Variants in SATB2 observed in about 807,000 individuals in gnomAD.
SATB2 encodes DNA-binding protein SATB2.
In SATB2, 1 loss-of-function variant was observed where a neutral mutation model predicts 73.4. The ratio of observed to expected loss-of-function variants is 0.01; its 90% CI spans 0.00 to 0.06. SATB2 has a LOEUF of 0.06. Ranked by LOEUF, SATB2 falls within the 10% of genes least tolerant of loss-of-function variation. The pLI is 1.00. For missense variants in SATB2, 459 were observed against 945.8 expected (o/e 0.49, Z 6.75); for synonymous variants, 397 against 367.0 (o/e 1.08, Z -0.93).
At position 199,314,367 on chromosome 2, in the gene SATB2, C is replaced by T. The variant is rs1477198234; in HGVS notation, c.1543-5410G>A. ...GAAAGTTATTGTTTGAGAGAAGCAC[C>T]AATTCTCAGAAGCAACTTTGTCACT... On this transcript the variant is annotated intron_variant, in intron 9 of 10. Coordinates refer to ENST00000417098, the MANE Select transcript of SATB2 (RefSeq NM_001172509.2). Among the ~76,000 whole-genome samples, 6 of 151,372 alleles carry T rather than the reference C, an allele frequency of 4.0e-5. No homozygotes were observed. In the South Asian group the frequency reaches 1.0e-3, roughly 26 times the overall value.
chr2:199,331,394 G>A lies in SATB2; in HGVS notation c.1174-2484C>T, dbSNP rs191228698. ...CACAATATTTGTATTTTTAAAGGGTGGTGGAATATACTGTTTCCTCTGTTT... is the reference window on the plus strand; with the variant it reads ...CACAATATTTGTATTTTTAAAGGGTAGTGGAATATACTGTTTCCTCTGTTT... On this transcript the variant is annotated intron_variant, in intron 7 of 10. Coordinates refer to ENST00000417098, the MANE Select transcript of SATB2 (RefSeq NM_001172509.2). 7.9e-5 allele frequency among the ~76,000 whole-genome samples: 12 copies of A among 152,026 alleles called. No homozygotes were observed. In the East Asian group the frequency reaches 1.5e-3, roughly 20 times the overall value.
intron 7 of SATB2, among the ~76,000 whole-genome samples, chr2:199,340,509 T>C (rs528105218): frequency 6.6e-5 from 10 of 152,276 alleles, no homozygotes; most frequent in African/African-American, 2.2e-4. Context: ...ACTGAAAACA[T>C]GTTTCCAAGA....
chr2:199,417,056 AC>A (rs1691013185), intron 3 of SATB2, among the ~76,000 whole-genome samples: 1 of 151,214 alleles, frequency 6.6e-6, no homozygotes, highest in African/African-American at 2.4e-5. Context: ...ACACACACAC[AC>A]ACACACACAC....
intron 10 of SATB2, among the ~76,000 whole-genome samples, chr2:199,296,492 A>G (rs1260012091): frequency 1.3e-5 from 2 of 152,134 alleles, no homozygotes; most frequent in African/African-American, 4.8e-5. Flanking sequence ...GGAGTTCGAG[A>G]CTAGCCTGGG....
chr2:199,392,483 T>C (rs1690176172), intron 3 of SATB2, among the ~76,000 whole-genome samples: 1 of 152,100 alleles, frequency 6.6e-6, no homozygotes, highest in East Asian at 1.9e-4. Context: ...ATTTAGACTA[T>C]AAACCACCAA....
chr2:199,278,967 C>T (rs181108995), intron 10 of SATB2, among the ~76,000 whole-genome samples: 1 of 152,290 alleles, frequency 6.6e-6, no homozygotes, highest in Admixed American at 6.5e-5. Flanking sequence ...TATTAATTTA[C>T]ACAGCTTTTT....
chr2:199,303,653 C>T (rs1280304060), intron 10 of SATB2, among the ~76,000 whole-genome samples: 1 of 152,062 alleles, frequency 6.6e-6, no homozygotes, highest in Non-Finnish European at 1.5e-5. Context: ...ATTATAATAA[C>T]CAAAAATGAC....
chr2:199,423,447 C>A (rs914446250), intron 3 of SATB2, among the ~76,000 whole-genome samples: 1 of 151,930 alleles, frequency 6.6e-6, no homozygotes, highest in Admixed American at 6.6e-5. Flanking sequence ...AATTCAACCA[C>A]CTATCTTTCA....
intron 7 of SATB2, chr2:199,347,473 C>T (rs1688687864): frequency 6.6e-6 from 1 of 152,144 alleles, no homozygotes; most frequent in Non-Finnish European, 1.5e-5. Context: ...TCTTTGCCTG[C>T]TGTACTTTAT....
chr2:199,461,693 A>G (rs1329066453), upstream of SATB2, among the ~76,000 whole-genome samples: 4 of 152,192 alleles, frequency 2.6e-5, no homozygotes, highest in Middle Eastern at 3.4e-3. Context: ...CCACCTCCCA[A>G]GTTTTCCTTA....
chr2:199,277,196 C>T (rs1006830734), intron 10 of SATB2, among the ~76,000 whole-genome samples: 8 of 152,050 alleles, frequency 5.3e-5, no homozygotes, highest in Non-Finnish European at 8.8e-5. Flanking sequence ...TGAGTGGAAG[C>T]GGGTGGAAGA....
In SATB2 at chr2:199,330,737, T is replaced by C. The variant is rs377696588; in HGVS notation, c.1174-1827A>G. Among the ~76,000 whole-genome samples, 63 of 152,326 alleles carry C rather than the reference T, an allele frequency of 4.1e-4. 1 individual carries two copies. The highest frequency in any genetic ancestry group is 1.2e-3 in the African/African-American group (48 of 41,588). ...ATTCATAATGAATTTGTTTTGAAGA[T>C]AAAAATCTTCAAATGAATATGCAGA... On this transcript the variant is annotated intron_variant, in intron 7 of 10. Coordinates refer to ENST00000417098, the MANE Select transcript of SATB2 (RefSeq NM_001172509.2).
intron 3 of SATB2, 22 bp from the exon 4 acceptor site, chr2:199,381,842 A>G (rs1237652046): frequency 6.2e-7 from 1 of 1,613,538 alleles, no homozygotes; most frequent in Non-Finnish European, 8.5e-7. Context: ...AGAAAAACAT[A>G]ATAAACACAT....
intron 7 of SATB2, among the ~76,000 whole-genome samples, chr2:199,343,496 C>T (rs531404026): frequency 2.0e-5 from 3 of 152,194 alleles, no homozygotes; most frequent in African/African-American, 7.2e-5. Context: ...CATAATATAC[C>T]ATATTTTCCA....
At chr2:199,442,324 G>A (rs1484232246) in intron 2 of SATB2, among the ~76,000 whole-genome samples, 1 of 152,162 alleles carries the variant, frequency 6.6e-6, no homozygotes, top group African/African-American at 2.4e-5. Flanking sequence ...TCCAGGGGAT[G>A]TTGGCCAGAT....
chr2:199,332,119 A>G (rs1243573016), intron 7 of SATB2, among the ~76,000 whole-genome samples: 1 of 152,196 alleles, frequency 6.6e-6, no homozygotes, highest in Non-Finnish European at 1.5e-5. Context: ...TAACCAGGAT[A>G]TAGCTTATTA....
At chr2:199,352,744 C>A (rs1688855955) in intron 6 of SATB2, among the ~76,000 whole-genome samples, 1 of 152,176 alleles carries the variant, frequency 6.6e-6, no homozygotes, top group Non-Finnish European at 1.5e-5. Flanking sequence ...CAACCACTAC[C>A]TAACCTCAGC....
chr2:199,343,713 G>T (rs1232829850), intron 7 of SATB2, among the ~76,000 whole-genome samples: 1 of 152,154 alleles, frequency 6.6e-6, no homozygotes, highest in Non-Finnish European at 1.5e-5. Context: ...ATTAAAAGCA[G>T]AATTTTAAAA....
intron 9 of SATB2, among the ~76,000 whole-genome samples, chr2:199,316,374 C>G (rs1687735905): frequency 6.6e-6 from 1 of 151,954 alleles, no homozygotes; most frequent in Non-Finnish European, 1.5e-5. Flanking sequence ...TCAATGAATC[C>G]CTGACAAGGA....
Sources: allele counts gnomAD v4.1 joint callset (sites outside exome capture counted in the v4.1 genomes callset), GRCh38; gene constraint gnomAD v4.1.1; transcripts MANE v1.5; gene names NCBI Gene and HGNC (gene_info 2026-07-23, HGNC 2026-07-21).